DSG1: variants seen among roughly 807,000 people sequenced by gnomAD.
DSG1 encodes desmoglein 1.
Under a neutral mutation model 97.5 loss-of-function variants are expected in DSG1, and 39 were observed. The observed-to-expected ratio is 0.40, with a 90% confidence interval of 0.31 to 0.52. The LOEUF (loss-of-function observed/expected upper bound fraction) is 0.52, where lower values mean the gene tolerates loss of function less well. Among genes scored for constraint, DSG1 ranks in the 20% least tolerant of loss-of-function variants. The probability of loss-of-function intolerance (pLI) is 0.53; values close to 1 mark genes in which losing one functional copy is unlikely to be tolerated. For synonymous variants in DSG1, 475 were observed against 443.4 expected, an observed-to-expected ratio of 1.07 and a Z score of -0.90; for missense variants, 1,311 against 1,295.4, an observed-to-expected ratio of 1.01 and a Z score of -0.18.
At position 31,355,843 on chromosome 18, in the gene DSG1, G is replaced by C. The variant is rs1360568479; in HGVS notation, c.*497G>C. 3 of 161,352 alleles carry C rather than the reference G, an allele frequency of 1.9e-5. No individual in the cohort carries two copies. Among genetic ancestry groups the C allele is most frequent in the Non-Finnish European group, 4.1e-5 (3 of 73,354 alleles). 10.0% of individuals were successfully genotyped at this position (161,352 alleles called of 1,614,324 possible). Reference sequence around the variant, plus strand: ...AGGGTTAACCATTTTTTTTAAGTTTGACTACATAGTCAAGTCCACAAGCCA... The same window carrying C: ...AGGGTTAACCATTTTTTTTAAGTTTCACTACATAGTCAAGTCCACAAGCCA... On this transcript the variant is annotated 3_prime_UTR_variant, in exon 15 of 15. Transcript: ENST00000257192.
intron 3 of DSG1, 47 bp downstream of exon 3, chr18:31,327,052 A>G (rs1482034767): frequency 6.2e-7 from 1 of 1,610,746 alleles, no homozygotes; most frequent in South Asian, 1.1e-5. Flanking sequence ...GAATGGATAA[A>G]GTTTCAAAAG....
At position 31,358,761 on chromosome 18, in the gene DSG1, CT is replaced by C. The variant is rs558641157; in HGVS notation, c.*3425del. On this transcript the variant is annotated 3_prime_UTR_variant, in exon 15 of 15. Transcript: ENST00000257192. ...CCCATGCCTATTTCATAAATTCCAA[CT>C]TTTTTTTTTACAATTTCTGGATTTT... is the stretch of plus-strand genomic sequence containing the variant. Among the ~76,000 whole-genome samples, 286 of 149,292 alleles carry C rather than the reference CT, an allele frequency of 1.9e-3. 1 individual carries two copies. Among genetic ancestry groups the C allele is most frequent in the South Asian group, 0.013 (61 of 4,730 alleles).
chr18:31,343,455 C>T lies in DSG1; in HGVS notation c.1693C>T (p.Pro565Ser). Residue 565 changes from proline (P) to serine (S), a missense_variant, in exon 12 of 15, where the codon CCA (proline) becomes TCA (serine). By Grantham distance (74) the Pro-to-Ser change is moderately conservative. Transcript: ENST00000257192. ...TACTATCCCTCCACCACCAGTGGTC[C>T]CATTTTTGATGATCTGTTGTGATTG... ...IMGFLVLGLVPFLMICCDCGG... is the reference protein window; with the variant it reads ...IMGFLVLGLVSFLMICCDCGG... The T allele has an allele frequency of 6.2e-7, 1 of 1,614,132 alleles. No individual in the cohort carries two copies. The highest frequency in any genetic ancestry group is 8.5e-7 in the Non-Finnish European group (1 of 1,180,010).
At chr18:31,325,892 T>A (rs8091151) in intron 1 of DSG1, among the ~76,000 whole-genome samples, 62,750 of 151,912 alleles carry the variant, frequency 0.41, 14,207 homozygotes, top group Non-Finnish European at 0.5. Flanking sequence ...ATGGAGATAG[T>A]ATTAGTGGTG....
rs532260561 is a variant in DSG1 at position 31,358,484 on chromosome 18, G to A, written c.*3138G>A. On this transcript the variant is annotated 3_prime_UTR_variant, in exon 15 of 15. Transcript: ENST00000257192. ...CATCATAATTTTTATTCAAGAAAAT[G>A]TTCTGACAAAATTTTAATTATATGT... Among the ~76,000 whole-genome samples, 1 of 151,966 alleles carries A rather than the reference G, an allele frequency of 6.6e-6. No homozygotes were observed. The highest frequency in any genetic ancestry group is 1.5e-5 in the Non-Finnish European group (1 of 67,876).
Position 31,343,966 on chromosome 18 carries a change from C to G in DSG1, c.1862C>G (p.Ala621Gly), listed in dbSNP as rs1402549412. The G allele has an allele frequency of 6.2e-7, 1 of 1,613,054 alleles. No homozygotes were observed. The highest frequency in any genetic ancestry group is 1.7e-5 in the Admixed American group (1 of 59,994). The change falls in exon 13 of 15, where the codon GCA (alanine) becomes GGA (glycine). Residue 621 changes from alanine (A) to glycine (G), a missense_variant. By Grantham distance (60) the Ala-to-Gly change is moderately conservative. Around this residue, in one of 3 missense-constraint regions of DSG1, gnomAD observed 1,038 missense variants for 964.6 expected, o/e 1.08. Coordinates refer to ENST00000257192, the MANE Select transcript of DSG1 (RefSeq NM_001942.4). ...ATACCACAAATACCACCTGATAACG[C>G]AAATATAATTGAATGCATTGACAAC... ...TVIPQIPPDN[A>G]NIIECIDNSG...
Position 31,346,163 on chromosome 18 carries a change from C to A in DSG1, c.2065C>A (p.Leu689Met). 3 of 1,613,820 alleles carry A rather than the reference C, an allele frequency of 1.9e-6. No homozygotes were observed. Among genetic ancestry groups the A allele is most frequent in the Non-Finnish European group, 2.5e-6 (3 of 1,179,796 alleles). The change falls in exon 14 of 15, where the codon CTG (leucine) becomes ATG (methionine). Residue 689 changes from leucine to methionine, a missense_variant. By Grantham distance (15) the Leu-to-Met change is conservative. Around this residue, in one of 3 missense-constraint regions of DSG1, gnomAD observed 1,038 missense variants for 964.6 expected, o/e 1.08. Transcript: ENST00000257192. ...TATGAGGGAATGTAGAGAAGGAGGT[C>A]TGAATATGAATTTCATGGAAAGCTA... The part of the protein sequence containing the change: ...NSMRECREGG[L>M]NMNFMESYFC...
chr18:31,346,009 T>C lies in DSG1; in HGVS notation c.1911T>C (p.Tyr637=). 1.9e-6 allele frequency: 3 copies of C among 1,613,712 alleles called. No homozygotes were observed. The highest frequency in any genetic ancestry group is 1.1e-5 in the South Asian group (1 of 91,052). Residue 637 remains tyrosine (Y), a synonymous_variant, in exon 14 of 15, where the codon TAT becomes TAC. Transcript: ENST00000257192. ...TTTTAGGAGTTTATACAAATGAGTA[T>C]GGTGGCAGAGAAATGCAAGATCTGG... is the stretch of plus-strand genomic sequence containing the variant. ...IDNSGVYTNE[Y]GGREMQDLGG... is the part of the protein sequence containing the mutation.
intron 11 of DSG1, 127 bp from the exon 12 acceptor site, chr18:31,343,323 A>G: frequency 4.4e-6 from 6 of 1,364,866 alleles, no homozygotes; most frequent in Non-Finnish European, 6.3e-6. Flanking sequence ...GTATTCTGAA[A>G]CTTTCATAAT....
intron 12 of DSG1, 92 bp downstream of exon 12, chr18:31,343,675 A>G (rs2071806442): frequency 1.3e-6 from 2 of 1,577,722 alleles, no homozygotes; most frequent in Middle Eastern, 1.7e-4. Context: ...CTCACAGTCT[A>G]TGCTGTTTTT....
rs1310285037 is a variant in DSG1 at position 31,346,139 on chromosome 18, A to G, written c.2041A>G (p.Met681Val). 6.2e-6 allele frequency: 10 copies of G among 1,613,968 alleles called. No homozygotes were observed. The South Asian group carries it at 6.6e-5, about 11-fold the overall frequency. ...CTCTGGAACATTAAGAAGAAATTCT[A>G]TGAGGGAATGTAGAGAAGGAGGTCT... is the stretch of plus-strand genomic sequence containing the variant. Reference protein sequence around the residue: ...EYSGTLRRNSMRECREGGLNM... With the variant: ...EYSGTLRRNSVRECREGGLNM... The change falls in exon 14 of 15, where the codon ATG (methionine) becomes GTG (valine). Residue 681 changes from methionine (M) to valine (V), a missense_variant. Physicochemically the swap from Met to Val is conservative, Grantham distance 21. Coordinates refer to ENST00000257192, the MANE Select transcript of DSG1 (RefSeq NM_001942.4).
chr18:31,338,677 C>T (rs1332041965), intron 10 of DSG1, among the ~76,000 whole-genome samples: 1 of 152,142 alleles, frequency 6.6e-6, no homozygotes, highest in African/African-American at 2.4e-5. Context: ...CCATCACTTA[C>T]TAGCTATAGA....
rs1489117284 is a variant in DSG1, at chr18:31,358,701, C to T, written c.*3355C>T. 6.6e-6 allele frequency among the ~76,000 whole-genome samples: 1 copy of T among 151,954 alleles called. No individual in the cohort carries two copies. The highest frequency in any genetic ancestry group is 1.9e-4 in the East Asian group (1 of 5,194). ...ACTATTTTGGAAAGACATTTAAGAC[C>T]CAAAGCAAACTTTTAAAAGTATTTG... On this transcript the variant is annotated 3_prime_UTR_variant, in exon 15 of 15. Transcript: ENST00000257192.
chr18:31,325,324 A>G (rs2071679140), intron 1 of DSG1, among the ~76,000 whole-genome samples: 1 of 152,176 alleles, frequency 6.6e-6, no homozygotes, highest in African/African-American at 2.4e-5. Context: ...AACAGCAAGC[A>G]CTGGCGCTCC....
At chr18:31,336,005 CAT>C (rs1316686990) in intron 8 of DSG1, among the ~76,000 whole-genome samples, 1 of 151,780 alleles carries the variant, frequency 6.6e-6, no homozygotes, top group Non-Finnish European at 1.5e-5. Flanking sequence ...TTCTGAAAAA[CAT>C]AAAATGATTG....
At chr18:31,326,547 A>T in intron 1 of DSG1, 34 bp from the exon 2 acceptor site, 1 of 1,516,170 alleles carries the variant, frequency 6.6e-7, no homozygotes. Context: ...ATTTAATTAA[A>T]AAATAACTAG....
At chr18:31,338,239 A>C (rs1311766144) in intron 9 of DSG1, 76 bp from the exon 10 acceptor site, 10 of 1,453,676 alleles carry the variant, frequency 6.9e-6, no homozygotes, top group Non-Finnish European at 8.5e-6. Flanking sequence ...TCACTGAAAA[A>C]AACAATACAT....
rs1384356709 is a variant in DSG1, at chr18:31,336,409, A to C, written c.1061A>C (p.Lys354Thr). Residue 354 changes from lysine (K) to threonine (T), a missense_variant, in exon 9 of 15, where the codon AAA becomes ACA. Physicochemically the swap from Lys to Thr is moderately conservative, Grantham distance 78. Coordinates refer to ENST00000257192, the MANE Select transcript of DSG1 (RefSeq NM_001942.4). ...CAACTCAGTATTGGTGTCAGAAATA[A>C]AGCTGAATTTCATCATTCAATTATG... ...SLQLSIGVRN[K>T]AEFHHSIMSQ... The C allele has an allele frequency of 6.2e-7, 1 of 1,613,944 alleles. No individual in the cohort carries two copies. The highest frequency in any genetic ancestry group is 1.1e-5 in the South Asian group (1 of 91,078).
At chr18:31,337,443 G>C (rs753427275) in intron 9 of DSG1, among the ~76,000 whole-genome samples, 17 of 152,036 alleles carry the variant, frequency 1.1e-4, no homozygotes, top group Non-Finnish European at 2.1e-4. Context: ...AGTAGAGAAG[G>C]GGTTTCACCA....
Sources: gnomAD v4.1 joint callset for allele counts (sites outside exome capture counted in the v4.1 genomes callset) on GRCh38, gnomAD v4.1.1 for gene constraint, gnomAD v4.1.1 regional missense constraint, MANE v1.5 for transcripts, NCBI Gene and HGNC (gene_info 2026-07-23, HGNC 2026-07-21) for gene names.